The following C4BPB variants were observed in gnomAD, a reference collection of about 807,000 sequenced individuals.
The protein encoded by C4BPB is complement component 4 binding protein beta, also known as C4b-binding protein beta chain.
A neutral mutation model predicts 26.6 loss-of-function variants in C4BPB; 19 were observed. The ratio of observed to expected loss-of-function variants is 0.71; its 90% CI spans 0.50 to 1.05. The LOEUF (loss-of-function observed/expected upper bound fraction) is 1.05, where lower values mean the gene tolerates loss of function less well. Among genes scored for constraint, C4BPB ranks in the 50% least tolerant of loss-of-function variants. C4BPB has a pLI of 0.00. For synonymous variants in C4BPB, 118 were observed against 103.5 expected, an observed-to-expected ratio of 1.14 and a Z score of -0.85; for missense variants, 282 against 302.9, an observed-to-expected ratio of 0.93 and a Z score of 0.51.
rs1179460474 is a variant in C4BPB at position 207,091,794 on chromosome 1, C to A, written c.383C>A (p.Ala128Glu). Residue 128 changes from alanine (A) to glutamate (E), a missense_variant, in exon 4 of 7, where the codon GCA (alanine) becomes GAA (glutamate). By Grantham distance (107) the Ala-to-Glu change is moderately radical. Coordinates refer to ENST00000367078, the MANE Select transcript of C4BPB (RefSeq NM_001017365.3). The stretch of plus-strand genomic sequence containing the variant: ...CAGTGTCTAGAGGACCACACCTGGG[C>A]ACCTCCCTTTCCCATCTGCAAAAGT... The part of the protein sequence containing the change: ...RSQCLEDHTW[A>E]PPFPICKSRD... 1.2e-6 allele frequency: 2 copies of A among 1,613,540 alleles called. No homozygotes were observed.
chr1:207,098,053 CA>C, intron 5 of C4BPB, 96 bp from the exon 6 acceptor site: 3 of 906,134 alleles, frequency 3.3e-6, no homozygotes. Context: ...TGGATTCCAT[CA>C]CAGCATGAAA....
chr1:207,095,899 T>C, intron 4 of C4BPB: 1 of 176,892 alleles, frequency 5.7e-6, no homozygotes, highest in Admixed American at 5.4e-5. Context: ...GATGCCTCCC[T>C]CCCCCTTTGC....
intron 6 of C4BPB, among the ~76,000 whole-genome samples, chr1:207,098,599 T>C: frequency 6.6e-6 from 1 of 151,616 alleles, no homozygotes; most frequent in Non-Finnish European, 1.5e-5. Flanking sequence ...CGGATGGGGG[T>C]GGGGAGAGTG....
In C4BPB at chr1:207,098,245, CAG is replaced by C. The variant is rs759289553; in HGVS notation, c.602_603del (p.Glu201ValfsTer2). Reference sequence around the variant, plus strand: ...AAGTTGATCCAGGAAGCTCCCAAACCAGAGTGTGAGAAGGCACTTGTAAGTAG... The same window carrying C: ...AAGTTGATCCAGGAAGCTCCCAAACCAGTGTGAGAAGGCACTTGTAAGTAG... On this transcript the variant is annotated frameshift_variant, in exon 6 of 7. Transcript: ENST00000367078. LOFTEE classifies it low-confidence loss of function (END_TRUNC). 8 of 1,611,756 alleles carry C rather than the reference CAG, an allele frequency of 5.0e-6. No homozygotes were observed. In the African/African-American group the frequency reaches 9.3e-5, roughly 19 times the overall value.
At chr1:207,099,741 G>A in intron 6 of C4BPB, 48 bp from the exon 7 acceptor site, 1 of 1,563,210 alleles carries the variant, frequency 6.4e-7, no homozygotes, top group Non-Finnish European at 8.7e-7. Flanking sequence ...GTATATAGCT[G>A]GGTCTCAGTC....
chr1:207,098,177 G>A lies in C4BPB; in HGVS notation c.531G>A (p.Gln177=). ...DRYYLVGVQE[Q]QCVDGEWSSA... ...ACTACTTAGTGGGCGTGCAGGAGCA[G>A]CAATGCGTTGATGGGGAGTGGAGCA... is the stretch of plus-strand genomic sequence containing the variant. Residue 177 remains glutamine (Q), a synonymous_variant, in exon 6 of 7, where the codon CAG becomes CAA. Transcript: ENST00000367078. The A allele has an allele frequency of 6.2e-7, 1 of 1,614,060 alleles. No individual in the cohort carries two copies. Among genetic ancestry groups the A allele is most frequent in the Non-Finnish European group, 8.5e-7 (1 of 1,179,878 alleles).
chr1:207,090,492 T>G lies in C4BPB; in HGVS notation c.232+11T>G, dbSNP rs776531034. On this transcript the variant is annotated intron_variant, in intron 3 of 6. Coordinates refer to ENST00000367078, the MANE Select transcript of C4BPB (RefSeq NM_001017365.3). ...CTACTGAGTGCCGCTGTAAGTTAGA[T>G]CTTTCTGTATCTTTGCCCATATTGA... is the stretch of plus-strand genomic sequence containing the variant. The G allele has an allele frequency of 3.8e-6, 6 of 1,588,320 alleles. No homozygotes were observed. The highest frequency in any genetic ancestry group is 5.1e-6 in the Non-Finnish European group (6 of 1,166,426).
At position 207,089,423 on chromosome 1, in the gene C4BPB, G is replaced by A. The variant is rs370014026; in HGVS notation, c.-50-59G>A. On this transcript the variant is annotated intron_variant, in intron 1 of 6. Transcript: ENST00000367078. ...AAATCAATATAACCTCTTCTCTAGA[G>A]AGGAGGTGGTTAGGTTGGTCTTAAG... The A allele has an allele frequency of 3.2e-4, 270 of 850,402 alleles. 1 individual carries two copies. The African/African-American group carries it at 4.0e-3, about 13-fold the overall frequency. 52.7% of individuals were successfully genotyped at this position (850,402 alleles called of 1,614,324 possible).
rs373903004 is a variant in C4BPB, at chr1:207,096,653, C to A, written c.503+38C>A. ...AGCCTGTCAAATGCCAGATCTTGCC[C>A]CTTGGCAGCATTGTTTTGGGGAATA... On this transcript the variant is annotated intron_variant, in intron 5 of 6. Coordinates refer to ENST00000367078, the MANE Select transcript of C4BPB (RefSeq NM_001017365.3). The A allele has an allele frequency of 1.4e-3, 1,639 of 1,181,540 alleles. 1 individual carries two copies. Among genetic ancestry groups the A allele is most frequent in the Non-Finnish European group, 1.9e-3 (1,536 of 809,552 alleles). The allele number at this position is 1,181,540 out of a possible 1,614,324, so 73.2% of individuals were successfully genotyped here. A position where few individuals can be genotyped will look rare whatever the true frequency, so the allele number is the denominator to read the frequency against.
In C4BPB at chr1:207,099,804, A is replaced by C; in HGVS notation, c.634A>C (p.Ser212Arg). The C allele has an allele frequency of 6.2e-7, 1 of 1,612,200 alleles. No individual in the cohort carries two copies. The highest frequency in any genetic ancestry group is 8.5e-7 in the Non-Finnish European group (1 of 1,179,448). Reference sequence around the variant, plus strand: ...CTTTCTTCAGCTTGCCTTTCAGGAGAGTAAGAACCTCTGCGAAGCCATGGA... The same window carrying C: ...CTTTCTTCAGCTTGCCTTTCAGGAGCGTAAGAACCTCTGCGAAGCCATGGA... ...CEKALLAFQE[S>R]KNLCEAMENF... The change falls in exon 7 of 7, where the codon AGT (serine) becomes CGT (arginine). Residue 212 changes from serine to arginine, a missense_variant. By Grantham distance (110) the Ser-to-Arg change is moderately radical (BLOSUM62 -1). Transcript: ENST00000367078.
rs1683970450 is a variant in C4BPB at position 207,090,218 on chromosome 1, A to G, written c.59-90A>G. 8 of 1,035,070 alleles carry G rather than the reference A, an allele frequency of 7.7e-6. No homozygotes were observed. In the Admixed American group the frequency reaches 1.6e-4, roughly 21 times the overall value. 64.1% of individuals were successfully genotyped at this position (1,035,070 alleles called of 1,614,324 possible). A position where few individuals can be genotyped will look rare whatever the true frequency, so the allele number is the denominator to read the frequency against. Reference sequence around the variant, plus strand: ...GCACAGGAATCAGGATCAATAATCCAGCAAAAAGACATGAGAATGGGGAAA... The same window carrying G: ...GCACAGGAATCAGGATCAATAATCCGGCAAAAAGACATGAGAATGGGGAAA... On this transcript the variant is annotated intron_variant, in intron 2 of 6. Coordinates refer to ENST00000367078, the MANE Select transcript of C4BPB (RefSeq NM_001017365.3).
At chr1:207,089,640 C>T (rs775234519) in intron 2 of C4BPB, 51 bp downstream of exon 2, 12 of 1,515,484 alleles carry the variant, frequency 7.9e-6, no homozygotes, top group South Asian at 2.2e-5. Flanking sequence ...TGTCCTTTTG[C>T]GGTGTTTTGA....
Position 207,089,916 on chromosome 1 carries a change from T to C in C4BPB, c.58+327T>C, listed in dbSNP as rs566071226. Among the ~76,000 whole-genome samples the C allele has an allele frequency of 2.6e-4, 39 of 152,324 alleles. 1 individual carries two copies. The South Asian group carries it at 7.7e-3, about 30-fold the overall frequency. Reference sequence around the variant, plus strand: ...CTATTTGTGTAGGGGACTATTTGTTTAGAAGTGGACAACTTGTGGTTGAAT... The same window carrying C: ...CTATTTGTGTAGGGGACTATTTGTTCAGAAGTGGACAACTTGTGGTTGAAT... On this transcript the variant is annotated intron_variant, in intron 2 of 6. Transcript: ENST00000367078.
At chr1:207,096,947 G>A (rs1455480880) in intron 5 of C4BPB, among the ~76,000 whole-genome samples, 2 of 152,184 alleles carry the variant, frequency 1.3e-5, no homozygotes, top group Non-Finnish European at 2.9e-5. Flanking sequence ...TAAGGCAGGC[G>A]GTTTGCTTGA....
Position 207,091,639 on chromosome 1 carries a change from T to C in C4BPB, c.233-5T>C. ...TTTCAGCTTATTGCTTATTTTCTTC[T>C]TCAGTGGGCCACTGTCCTGATCCTG... On this transcript the variant is annotated splice_region_variant and splice_polypyrimidine_tract_variant and intron_variant, in intron 3 of 6. Coordinates refer to ENST00000367078, the MANE Select transcript of C4BPB (RefSeq NM_001017365.3). The C allele has an allele frequency of 9.3e-6, 15 of 1,610,540 alleles. No homozygotes were observed. Among genetic ancestry groups the C allele is most frequent in the Non-Finnish European group, 1.3e-5 (15 of 1,178,192 alleles).
At position 207,091,759 on chromosome 1, in the gene C4BPB, C is replaced by CA. The variant is rs776559668; in HGVS notation, c.350dup (p.Asn117LysfsTer21). 6.2e-7 allele frequency: 1 copy of CA among 1,614,082 alleles called. No homozygotes were observed. ...ATGACCACTACATCCTCAAGGGCAG[C>CA]AATCGGAGCCAGTGTCTAGAGGACC... On this transcript the variant is annotated frameshift_variant, in exon 4 of 7. Coordinates refer to ENST00000367078, the MANE Select transcript of C4BPB (RefSeq NM_001017365.3). LOFTEE classifies it high-confidence loss of function.
chr1:207,096,736 A>C, intron 5 of C4BPB, 121 bp downstream of exon 5: 1 of 629,866 alleles, frequency 1.6e-6, no homozygotes, highest in Non-Finnish European at 2.8e-6. Flanking sequence ...TTCTAAGCTC[A>C]TTCTGATTTT....
chr1:207,089,720 A>G lies in C4BPB; in HGVS notation c.58+131A>G. 3 of 736,000 alleles carry G rather than the reference A, an allele frequency of 4.1e-6. No individual in the cohort carries two copies. In the East Asian group the frequency reaches 8.1e-5, roughly 20 times the overall value. 45.6% of individuals were successfully genotyped at this position (736,000 alleles called of 1,614,324 possible). On this transcript the variant is annotated intron_variant, in intron 2 of 6. Coordinates refer to ENST00000367078, the MANE Select transcript of C4BPB (RefSeq NM_001017365.3). ...TTTATTCTTCTATTGAAAAATCTCA[A>G]ATTGGCCTAATGCTCTGCACTCAAT...
At chr1:207,089,455 TAGA>T in intron 1 of C4BPB, 24 bp from the exon 2 acceptor site, 1 of 1,301,508 alleles carries the variant, frequency 7.7e-7, no homozygotes. Context: ...TAAGCAGTGT[TAGA>T]AGATCTATTT....
Sources: gnomAD v4.1 joint callset for allele counts (sites outside exome capture counted in the v4.1 genomes callset) on GRCh38, gnomAD v4.1.1 for gene constraint, MANE v1.5 for transcripts, NCBI Gene and HGNC (gene_info 2026-07-23, HGNC 2026-07-21) for gene names.